The following KIAA1958 variants were observed in gnomAD, a reference collection of about 807,000 sequenced individuals.
KIAA1958 encodes KIAA1958.
In KIAA1958, 14 loss-of-function variants were observed where a neutral mutation model predicts 47.2. The observed-to-expected ratio is 0.30, with a 90% CI of 0.20 to 0.46. The LOEUF (loss-of-function observed/expected upper bound fraction) is 0.46, where lower values mean the gene tolerates loss of function less well. Among genes scored for constraint, KIAA1958 ranks in the 20% least tolerant of loss-of-function variants. The probability of loss-of-function intolerance (pLI) is 1.00; values close to 1 mark genes in which losing one functional copy is unlikely to be tolerated. For missense variants in KIAA1958, 803 were observed against 909.2 expected, an observed-to-expected ratio of 0.88 and a Z score of 1.50; for synonymous variants, 354 against 353.3, an observed-to-expected ratio of 1.00 and a Z score of -0.02.
intron 2 of KIAA1958, among the ~76,000 whole-genome samples, chr9:112,611,339 C>T (rs141627384): frequency 5.9e-5 from 9 of 152,154 alleles, no homozygotes; most frequent in African/African-American, 1.9e-4. Flanking sequence ...GGATTATATA[C>T]TTGCAGAACC....
chr9:112,642,673 C>CTAA (rs1035907561), intron 2 of KIAA1958, among the ~76,000 whole-genome samples: 1 of 152,190 alleles, frequency 6.6e-6, no homozygotes, highest in African/African-American at 2.4e-5. Flanking sequence ...TTCACATCTT[C>CTAA]GTTTAGTAGT....
At chr9:112,542,563 T>G (rs1362773820) in intron 1 of KIAA1958, among the ~76,000 whole-genome samples, 1 of 152,208 alleles carries the variant, frequency 6.6e-6, no homozygotes, top group Non-Finnish European at 1.5e-5. Flanking sequence ...AGAGTGTAAA[T>G]CATTCTACTA....
At position 112,668,454 on chromosome 9, in the gene KIAA1958, G is replaced by T. The variant is rs1037428534; in HGVS notation, c.*8385G>T. On this transcript the variant is annotated 3_prime_UTR_variant, in exon 4 of 4. Transcript: ENST00000337530. ...ATTTAAATTCAGACATCAAGGGAAT[G>T]AATGCAGTTTTAAAAATCCGAATTA... 2 of 152,234 alleles carry T rather than the reference G, an allele frequency of 1.3e-5. No homozygotes were observed. The highest frequency in any genetic ancestry group is 2.1e-4 in the South Asian group (1 of 4,834). The allele number at this position is 152,234 out of a possible 1,614,324, so 9.4% of individuals were successfully genotyped here. A position where few individuals can be genotyped will look rare whatever the true frequency, so the allele number is the denominator to read the frequency against.
chr9:112,624,001 C>T (rs1320773457), intron 2 of KIAA1958, among the ~76,000 whole-genome samples: 1 of 152,060 alleles, frequency 6.6e-6, no homozygotes, highest in African/African-American at 2.4e-5. Flanking sequence ...TATTTTGATC[C>T]TTATTTCTCT....
intron 1 of KIAA1958, among the ~76,000 whole-genome samples, chr9:112,547,998 CTTTTTTTTTTTTTTTT>C (rs372918486): frequency 8.5e-5 from 8 of 94,584 alleles, no homozygotes; most frequent in Non-Finnish European, 1.4e-4. Context: ...GTCAGAAAAT[CTTTTTTTTTTTTTTTT>C]TTTTTTTTTT....
intron 1 of KIAA1958, among the ~76,000 whole-genome samples, chr9:112,536,084 T>A (rs745548394): frequency 1.4e-4 from 22 of 152,238 alleles, no homozygotes; most frequent in Non-Finnish European, 2.5e-4. Flanking sequence ...AATGAGTGGC[T>A]AATGTAACTG....
chr9:112,574,846 G>A lies in KIAA1958; in HGVS notation c.766G>A (p.Val256Ile), dbSNP rs1386135380. ...AGGGTCTGCTAAACTGATTCCCCAT[G>A]TCACATCTGCCATCAGCACGGAGCT... ...CVGSAKLIPH[V>I]TSAISTELDP... is the part of the protein sequence containing the mutation. The change falls in exon 2 of 4, where the codon GTC becomes ATC. Residue 256 changes from valine (V) to isoleucine (I), a missense_variant. This residue lies in a region of KIAA1958 where 761 missense variants were observed against 829.3 expected (regional missense o/e 0.92). Coordinates refer to ENST00000337530, the MANE Select transcript of KIAA1958 (RefSeq NM_133465.4). 4 of 1,614,002 alleles carry A rather than the reference G, an allele frequency of 2.5e-6. No individual in the cohort carries two copies. Among genetic ancestry groups the A allele is most frequent in the East Asian group, 4.5e-5 (2 of 44,886 alleles).
intron 1 of KIAA1958, among the ~76,000 whole-genome samples, chr9:112,555,231 A>G (rs1225833114): frequency 2.6e-5 from 4 of 152,324 alleles, no homozygotes; most frequent in East Asian, 1.9e-4. Flanking sequence ...GGCACAGAGC[A>G]TCTGTCTTAG....
intron 1 of KIAA1958, among the ~76,000 whole-genome samples, chr9:112,536,175 A>G (rs952651322): frequency 1.2e-4 from 19 of 152,240 alleles, no homozygotes; most frequent in African/African-American, 4.6e-4. Flanking sequence ...TTAGAGACCA[A>G]GCCACAGAGT....
intron 1 of KIAA1958, 75 bp downstream of exon 1, chr9:112,487,193 G>A: frequency 5.5e-6 from 1 of 182,446 alleles, no homozygotes; most frequent in Non-Finnish European, 1.1e-5. Context: ...CCCTTTGTGT[G>A]GGGGGCGGCC....
intron 1 of KIAA1958, among the ~76,000 whole-genome samples, chr9:112,542,922 G>A (rs1834967257): frequency 6.6e-6 from 1 of 152,160 alleles, no homozygotes; most frequent in Non-Finnish European, 1.5e-5. Flanking sequence ...AGTATTTTGG[G>A]GCTGAAGAGT....
At chr9:112,541,418 G>C (rs1834940114) in intron 1 of KIAA1958, among the ~76,000 whole-genome samples, 1 of 152,066 alleles carries the variant, frequency 6.6e-6, no homozygotes, top group African/African-American at 2.4e-5. Context: ...AAAGGTAGAG[G>C]GTGATAATCA....
intron 1 of KIAA1958, among the ~76,000 whole-genome samples, chr9:112,530,951 A>G (rs899119962): frequency 2.0e-5 from 3 of 152,262 alleles, no homozygotes; most frequent in Non-Finnish European, 4.4e-5. Flanking sequence ...TGAAACTGTC[A>G]GTAATTCCAT....
chr9:112,580,457 T>C (rs1293690159), intron 2 of KIAA1958, among the ~76,000 whole-genome samples: 1 of 152,116 alleles, frequency 6.6e-6, no homozygotes, highest in Non-Finnish European at 1.5e-5. Context: ...ATATATTTCT[T>C]TATTCCATGA....
At chr9:112,582,486 C>T (rs1276193138) in intron 2 of KIAA1958, 1 of 153,834 alleles carries the variant, frequency 6.5e-6, no homozygotes, top group Admixed American at 6.5e-5. Context: ...GACTTGTTCT[C>T]ACCTGCTCGA....
At chr9:112,539,184 C>G (rs1392257405) in intron 1 of KIAA1958, among the ~76,000 whole-genome samples, 1 of 152,190 alleles carries the variant, frequency 6.6e-6, no homozygotes, top group Non-Finnish European at 1.5e-5. Flanking sequence ...CACAGCAGTT[C>G]AGCTCCTAGG....
At chr9:112,537,381 G>A (rs892456672) in intron 1 of KIAA1958, among the ~76,000 whole-genome samples, 2 of 152,066 alleles carry the variant, frequency 1.3e-5, no homozygotes, top group Non-Finnish European at 1.5e-5. Flanking sequence ...GATTACAGGC[G>A]TGAGCCACTG....
In KIAA1958 at chr9:112,501,289, G is replaced by A. The variant is rs569536634; in HGVS notation, c.-25+14171G>A. ...CCCTTGTCTTTACAAAAAAAAAAGA[G>A]AAAATTAATCAGGCATGATGGCTCA... On this transcript the variant is annotated intron_variant, in intron 1 of 3. Transcript: ENST00000337530. Among the ~76,000 whole-genome samples, 22 of 151,982 alleles carry A rather than the reference G, an allele frequency of 1.4e-4. No individual in the cohort carries two copies. The South Asian group carries it at 4.6e-3, about 32-fold the overall frequency.
intron 1 of KIAA1958, among the ~76,000 whole-genome samples, chr9:112,502,895 T>C (rs1214570691): frequency 6.6e-6 from 1 of 152,264 alleles, no homozygotes; most frequent in African/African-American, 2.4e-5. Context: ...AGGGGAATTA[T>C]TGGCTAAATC....
Sources: gnomAD v4.1 joint callset for allele counts (sites outside exome capture counted in the v4.1 genomes callset) on GRCh38, gnomAD v4.1.1 for gene constraint, gnomAD v4.1.1 regional missense constraint, MANE v1.5 for transcripts, NCBI Gene and HGNC (gene_info 2026-07-23, HGNC 2026-07-21) for gene names.